The following EPB41L2 variants were observed in gnomAD, a reference collection of about 807,000 sequenced individuals.
EPB41L2 encodes the protein erythrocyte membrane protein band 4.1 like 2.
In EPB41L2, 43 loss-of-function variants were observed where a neutral mutation model predicts 113.0. That is an observed-to-expected ratio of 0.38 (90% CI 0.30 to 0.49). The LOEUF (loss-of-function observed/expected upper bound fraction) is 0.49. Among genes scored for constraint, EPB41L2 ranks in the 20% least tolerant of loss-of-function variants. The pLI, the probability that EPB41L2 is intolerant of heterozygous loss-of-function variation, is 0.95. For missense variants in EPB41L2, 1,147 were observed against 1,223.4 expected (o/e 0.94, Z 0.93); for synonymous variants, 442 against 436.7 (o/e 1.01, Z -0.15).
At chr6:130,946,674 G>A (rs1007658576) in intron 3 of EPB41L2, among the ~76,000 whole-genome samples, 1 of 151,902 alleles carries the variant, frequency 6.6e-6, no homozygotes, top group African/African-American at 2.4e-5. Flanking sequence ...TGGGGATATA[G>A]ACACATAAAA....
At chr6:130,908,740 A>C in intron 5 of EPB41L2, 81 bp downstream of exon 5, 1 of 1,071,960 alleles carries the variant, frequency 9.3e-7, no homozygotes, top group Non-Finnish European at 1.4e-6. Context: ...AATAGAACTG[A>C]CCATTCTATT....
chr6:130,898,218 G>C (rs1213629471), intron 8 of EPB41L2, among the ~76,000 whole-genome samples: 1 of 152,094 alleles, frequency 6.6e-6, no homozygotes, highest in Admixed American at 6.5e-5. Flanking sequence ...ACATGTATTA[G>C]TTTTGTAATA....
At chr6:130,989,216 G>A (rs1231051901) in intron 1 of EPB41L2, among the ~76,000 whole-genome samples, 2 of 152,196 alleles carry the variant, frequency 1.3e-5, no homozygotes, top group Non-Finnish European at 2.9e-5. Context: ...GGACACATGT[G>A]ATAACTGCCT....
chr6:131,055,300 C>T (rs1017682778), intron 1 of EPB41L2, among the ~76,000 whole-genome samples: 10 of 152,078 alleles, frequency 6.6e-5, no homozygotes, highest in Non-Finnish European at 1.2e-4. Flanking sequence ...AACTAAAGGT[C>T]GGGGGAGAGC....
At chr6:130,897,017 T>C (rs1367501770) in intron 8 of EPB41L2, among the ~76,000 whole-genome samples, 3 of 152,074 alleles carry the variant, frequency 2.0e-5, no homozygotes, top group African/African-American at 7.2e-5. Context: ...TCTCCACACA[T>C]ATCTCTCCTT....
chr6:130,956,619 A>C lies in EPB41L2; in HGVS notation c.-14-120T>G. ...GAGTAACAGATGACAGGGAGAAAGC[A>C]CATCAAGAAAGAAGATTCAAAAGCA... On this transcript the variant is annotated intron_variant, in intron 1 of 19. Transcript: ENST00000337057. 4 of 888,322 alleles carry C rather than the reference A, an allele frequency of 4.5e-6. No individual in the cohort carries two copies. The South Asian group carries it at 7.5e-5, about 17-fold the overall frequency. The allele number at this position is 888,322 out of a possible 1,614,324, so 55.0% of individuals were successfully genotyped here. A position where few individuals can be genotyped will look rare whatever the true frequency, so the allele number is the denominator to read the frequency against.
intron 18 of EPB41L2, among the ~76,000 whole-genome samples, chr6:130,859,494 G>C (rs11754472): frequency 0.33 from 48,351 of 148,002 alleles, 8,483 homozygotes; most frequent in East Asian, 0.45. Context: ...CTGGGCAACA[G>C]AGTGAGACTT....
chr6:131,040,722 T>TAGTG (rs1289191661), intron 1 of EPB41L2, among the ~76,000 whole-genome samples: 1 of 152,226 alleles, frequency 6.6e-6, no homozygotes, highest in Non-Finnish European at 1.5e-5. Context: ...GCTTCACTAA[T>TAGTG]AGTGAGATAA....
chr6:130,878,072 G>T, intron 14 of EPB41L2, 32 bp downstream of exon 14: 1 of 1,542,138 alleles, frequency 6.5e-7, no homozygotes, highest in Non-Finnish European at 8.7e-7. Flanking sequence ...CAACTGAAGT[G>T]AGACAGAGCC....
At position 130,998,156 on chromosome 6, in the gene EPB41L2, A is replaced by G. The variant is rs185031984; in HGVS notation, c.-14-41657T>C. On this transcript the variant is annotated intron_variant, in intron 1 of 19. Coordinates refer to ENST00000337057, the MANE Select transcript of EPB41L2 (RefSeq NM_001431.4). ...AGTAAGGAAATTGAGTCTTAGAGAT[A>G]TAACATAGCTCAGCATCAGACAGAT... is the stretch of plus-strand genomic sequence containing the variant. Among the ~76,000 whole-genome samples, 326 of 152,332 alleles carry G rather than the reference A, an allele frequency of 2.1e-3. 4 individuals carry two copies. Among genetic ancestry groups the G allele is most frequent in the Middle Eastern group, 0.01 (3 of 294 alleles).
chr6:130,974,206 A>C (rs1188643236), intron 1 of EPB41L2, among the ~76,000 whole-genome samples: 6 of 152,182 alleles, frequency 3.9e-5, no homozygotes, highest in African/African-American at 1.4e-4. Flanking sequence ...CATAAAAAGA[A>C]GCACCAGAGA....
intron 3 of EPB41L2, among the ~76,000 whole-genome samples, chr6:130,943,239 C>A (rs547775653): frequency 6.6e-6 from 1 of 152,312 alleles, no homozygotes; most frequent in South Asian, 2.1e-4. Context: ...CCTATTTCTC[C>A]ACATCCTCTC....
chr6:130,967,382 T>C (rs1051606708), intron 1 of EPB41L2, among the ~76,000 whole-genome samples: 1 of 152,262 alleles, frequency 6.6e-6, no homozygotes, highest in East Asian at 1.9e-4. Context: ...TGAGAAAACG[T>C]TGCTTGTTTT....
In EPB41L2 at chr6:130,869,562, C is replaced by T. The variant is rs1784960367; in HGVS notation, c.2607+1G>A. On this transcript the variant is annotated splice_donor_variant, in intron 15 of 19. Transcript: ENST00000337057. LOFTEE classifies it high-confidence loss of function. ...GGCTCCCACCTGGGACTCCCATTTA[C>T]CTCTGAACAACAAATAATTTGTGGC... The T allele has an allele frequency of 7.4e-6, 12 of 1,613,242 alleles. No individual in the cohort carries two copies. The highest frequency in any genetic ancestry group is 1.0e-5 in the Non-Finnish European group (12 of 1,179,522).
chr6:130,952,079 C>G (rs939537761), intron 3 of EPB41L2, among the ~76,000 whole-genome samples: 1 of 152,086 alleles, frequency 6.6e-6, no homozygotes. Context: ...CAAACAAATG[C>G]AAGTTAAAAT....
At chr6:131,054,062 C>T (rs1303770204) in intron 1 of EPB41L2, among the ~76,000 whole-genome samples, 1 of 152,198 alleles carries the variant, frequency 6.6e-6, no homozygotes, top group Non-Finnish European at 1.5e-5. Flanking sequence ...GTCAGTGTGA[C>T]TCCGGTCGGT....
At chr6:130,969,811 T>C (rs907687186) in intron 1 of EPB41L2, among the ~76,000 whole-genome samples, 1 of 152,226 alleles carries the variant, frequency 6.6e-6, no homozygotes, top group African/African-American at 2.4e-5. Context: ...TAACCTTACA[T>C]AGTCCTCACT....
At chr6:131,004,150 G>C (rs534712161) in intron 1 of EPB41L2, among the ~76,000 whole-genome samples, 4 of 152,140 alleles carry the variant, frequency 2.6e-5, no homozygotes, top group Non-Finnish European at 5.9e-5. Context: ...CCTGCTTCAT[G>C]ATAGGTTGTA....
intron 1 of EPB41L2, among the ~76,000 whole-genome samples, chr6:131,004,222 A>T (rs1326439533): frequency 6.6e-6 from 1 of 152,144 alleles, no homozygotes; most frequent in Non-Finnish European, 1.5e-5. Context: ...TCCCAACAAC[A>T]GATGGAGTGA....
Sources: allele counts gnomAD v4.1 joint callset (sites outside exome capture counted in the v4.1 genomes callset), GRCh38; gene constraint gnomAD v4.1.1; transcripts MANE v1.5; gene names NCBI Gene and HGNC (gene_info 2026-07-23, HGNC 2026-07-21).